Variants in SGK1 observed in about 807,000 individuals in gnomAD.
SGK1 encodes serum/glucocorticoid regulated kinase 1, also known as serine/threonine-protein kinase Sgk1.
A neutral mutation model predicts 64.2 loss-of-function variants in SGK1; 26 were observed. That is an observed-to-expected ratio of 0.40 (90% CI 0.30 to 0.56). SGK1 has a LOEUF of 0.56. Among genes scored for constraint, SGK1 ranks in the 20% least tolerant of loss-of-function variants. The pLI, the probability that SGK1 is intolerant of heterozygous loss-of-function variation, is 0.38. For synonymous variants in SGK1, 265 were observed against 239.7 expected, an observed-to-expected ratio of 1.11 and a Z score of -0.98; for missense variants, 519 against 645.6, an observed-to-expected ratio of 0.80 and a Z score of 2.12.
At chr6:134,209,834 G>A (rs1346134674) in intron 2 of SGK1, among the ~76,000 whole-genome samples, 6 of 152,056 alleles carry the variant, frequency 3.9e-5, no homozygotes, top group South Asian at 4.1e-4. Context: ...GCTCCACCAC[G>A]CCTGGCTAAT....
intron 1 of SGK1, among the ~76,000 whole-genome samples, chr6:134,299,230 C>G (rs1582772390): frequency 2.0e-5 from 3 of 149,254 alleles, no homozygotes. Flanking sequence ...CCAGGCATGG[C>G]AGCTCATGCC....
intron 3 of SGK1, among the ~76,000 whole-genome samples, chr6:134,191,737 C>T (rs909558117): frequency 1.3e-5 from 2 of 150,764 alleles, no homozygotes; most frequent in Admixed American, 6.6e-5. Flanking sequence ...GGCGTGATCT[C>T]GGCTCACTGC....
chr6:134,174,709 T>TC (rs1328386806), intron 3 of SGK1, 123 bp from the exon 4 acceptor site: 1 of 1,613,990 alleles, frequency 6.2e-7, no homozygotes, highest in Admixed American at 1.7e-5. Flanking sequence ...GGAGCAGAAG[T>TC]CCCGCAAGAT....
chr6:134,194,549 C>G (rs974619906), intron 3 of SGK1, among the ~76,000 whole-genome samples: 1 of 144,768 alleles, frequency 6.9e-6, no homozygotes, highest in African/African-American at 2.6e-5. Context: ...GACGGAGTCT[C>G]GCTCCGTTAC....
In SGK1 at chr6:134,172,563, G is replaced by A. The variant is rs907049660; in HGVS notation, c.947+99C>T. On this transcript the variant is annotated intron_variant, in intron 9 of 13. Transcript: ENST00000367858. ...AGGGGATCTGGTTTTAGGCAACCAA[G>A]TTGCAAATAAACACAAATTATTTTA... 140 of 903,660 alleles carry A rather than the reference G, an allele frequency of 1.5e-4. 1 individual carries two copies. Among genetic ancestry groups the A allele is most frequent in the Non-Finnish European group, 2.3e-4 (132 of 578,890 alleles). The allele number at this position is 903,660 out of a possible 1,614,324, so 56.0% of individuals were successfully genotyped here. A position where few individuals can be genotyped will look rare whatever the true frequency, so the allele number is the denominator to read the frequency against.
At chr6:134,205,284 G>A (rs1026211972) in intron 3 of SGK1, among the ~76,000 whole-genome samples, 1 of 152,134 alleles carries the variant, frequency 6.6e-6, no homozygotes, top group African/African-American at 2.4e-5. Context: ...GTGGTATACT[G>A]CTGATGGACT....
intron 2 of SGK1, among the ~76,000 whole-genome samples, chr6:134,251,921 A>C (rs1776611764): frequency 6.6e-6 from 1 of 152,030 alleles, no homozygotes; most frequent in African/African-American, 2.4e-5. Flanking sequence ...CGCCTGGCTA[A>C]TTTTTAAAAT....
chr6:134,260,347 C>T (rs965817535), intron 2 of SGK1: 1 of 146,390 alleles, frequency 6.8e-6, no homozygotes, highest in Non-Finnish European at 1.5e-5. Context: ...AAGACTCTGT[C>T]CCCCTGTCTC....
chr6:134,174,601 G>T lies in SGK1; in HGVS notation c.362-15C>A, dbSNP rs1218757473. On this transcript the variant is annotated splice_polypyrimidine_tract_variant and intron_variant, in intron 3 of 13. Transcript: ENST00000367858. ...CTTCATGAAAGCTGTGGATGAAGGAGGAGAAATAAAGAAACGTTTAGACGG... is the reference window on the plus strand; with the variant it reads ...CTTCATGAAAGCTGTGGATGAAGGATGAGAAATAAAGAAACGTTTAGACGG... 6.2e-7 allele frequency: 1 copy of T among 1,612,842 alleles called. No homozygotes were observed.
intron 1 of SGK1, among the ~76,000 whole-genome samples, chr6:134,294,256 C>A (rs2114783382): frequency 6.6e-6 from 1 of 152,050 alleles, no homozygotes; most frequent in African/African-American, 2.4e-5. Context: ...TAAAATTTAC[C>A]ACTTTAGCCA....
intron 1 of SGK1, among the ~76,000 whole-genome samples, chr6:134,305,810 C>A (rs1582776791): frequency 1.3e-5 from 2 of 152,054 alleles, no homozygotes; most frequent in South Asian, 4.1e-4. Context: ...TCATGTCTAG[C>A]ACATGATGGA....
chr6:134,209,039 T>C (rs1391890739), intron 2 of SGK1, among the ~76,000 whole-genome samples: 1 of 152,074 alleles, frequency 6.6e-6, no homozygotes, highest in Non-Finnish European at 1.5e-5. Flanking sequence ...TCCATAGTGG[T>C]TGTACTCAGA....
intron 13 of SGK1, 76 bp from the exon 14 acceptor site, chr6:134,170,511 T>TA (rs1376295848): frequency 7.2e-7 from 1 of 1,386,166 alleles, no homozygotes; most frequent in Admixed American, 2.1e-5. Flanking sequence ...GACCAGGCTT[T>TA]AAATACCAAG....
chr6:134,173,215 T>C lies in SGK1; in HGVS notation c.702+59A>G, dbSNP rs113945796. On this transcript the variant is annotated intron_variant, in intron 7 of 13. Transcript: ENST00000367858. ...TCAACTTGGCACCAACATTCCAGAATCAAGATTATTCAAGGAGTGTCTACC... is the reference window on the plus strand; with the variant it reads ...TCAACTTGGCACCAACATTCCAGAACCAAGATTATTCAAGGAGTGTCTACC... 345 of 1,609,054 alleles carry C rather than the reference T, an allele frequency of 2.1e-4. No individual in the cohort carries two copies. In the African/African-American group the frequency reaches 4.1e-3, roughly 19 times the overall value.
At chr6:134,198,726 A>ATTTTTTTTTTTTTTTTTTTTTTTTTTT (rs1178699258) in intron 3 of SGK1, among the ~76,000 whole-genome samples, 3 of 101,780 alleles carry the variant, frequency 2.9e-5, no homozygotes, top group Non-Finnish European at 5.6e-5. Flanking sequence ...CTCTTTTTCT[A>ATTTTTTTTTTTTTTTTTTTTTTTTTTT]TTTTTTTTTT....
At chr6:134,235,066 G>A (rs771351306) in intron 2 of SGK1, among the ~76,000 whole-genome samples, 11 of 152,178 alleles carry the variant, frequency 7.2e-5, no homozygotes, top group Non-Finnish European at 1.5e-4. Flanking sequence ...TTTATAGAGA[G>A]CTTTATATAC....
chr6:134,276,626 G>A (rs1373709300), intron 1 of SGK1, among the ~76,000 whole-genome samples: 2 of 152,136 alleles, frequency 1.3e-5, no homozygotes, highest in Admixed American at 6.6e-5. Context: ...ATTGGGCCCA[G>A]GGGAAAAGCA....
chr6:134,306,236 A>C (rs1429055939), intron 1 of SGK1, among the ~76,000 whole-genome samples: 2 of 152,078 alleles, frequency 1.3e-5, no homozygotes, highest in African/African-American at 2.4e-5. Flanking sequence ...CTGCCTGGCC[A>C]ACATGGTGAA....
chr6:134,297,834 C>A, intron 1 of SGK1: 1 of 716,140 alleles, frequency 1.4e-6, no homozygotes, highest in East Asian at 2.9e-5. Flanking sequence ...CAGGTCATCC[C>A]CGTGCTTCCC....
Sources: allele counts gnomAD v4.1 joint callset (sites outside exome capture counted in the v4.1 genomes callset), GRCh38; gene constraint gnomAD v4.1.1; transcripts MANE v1.5; gene names NCBI Gene and HGNC (gene_info 2026-07-23, HGNC 2026-07-21).